Variants in PRMT9 observed in about 807,000 individuals in gnomAD.
The protein encoded by PRMT9 is protein arginine N-methyltransferase 9.
Under a neutral mutation model 83.2 loss-of-function variants are expected in PRMT9, and 59 were observed. The ratio of observed to expected loss-of-function variants is 0.71; its 90% CI spans 0.57 to 0.88. The LOEUF is 0.88. PRMT9 is among the 40% of genes least tolerant of loss of function. PRMT9 has a pLI of 0.00. For missense variants in PRMT9, 947 were observed against 1,021.9 expected, an observed-to-expected ratio of 0.93 and a Z score of 1.00; for synonymous variants, 333 against 353.2, an observed-to-expected ratio of 0.94 and a Z score of 0.64.
At chr4:147,659,145 C>A (rs1413779571) in intron 7 of PRMT9, among the ~76,000 whole-genome samples, 1 of 151,362 alleles carries the variant, frequency 6.6e-6, no homozygotes, top group East Asian at 1.9e-4. Flanking sequence ...CGCCACTGCA[C>A]TCCAGCCTGG....
At chr4:147,670,889 C>T (rs1216401136) in intron 4 of PRMT9, 146 bp from the exon 5 acceptor site, 14 of 624,074 alleles carry the variant, frequency 2.2e-5, no homozygotes, top group South Asian at 5.7e-5. Flanking sequence ...TTAAGATCTA[C>T]TACTGAATCT....
chr4:147,652,228 CA>C (rs1734157081), intron 9 of PRMT9, among the ~76,000 whole-genome samples: 1 of 151,768 alleles, frequency 6.6e-6, no homozygotes, highest in African/African-American at 2.4e-5. Flanking sequence ...CTGAACTTAC[CA>C]AATTTGAATA....
rs749796433 is a variant in PRMT9, at chr4:147,668,507, A to G, written c.953+32T>C. ...ATTACCCAATCTTGGGAGGTGCTTT[A>G]TAGCAGTGTGAAAATGGACTAATAC... On this transcript the variant is annotated intron_variant, in intron 6 of 11. Coordinates refer to ENST00000322396, the MANE Select transcript of PRMT9 (RefSeq NM_138364.4). 8 of 1,248,794 alleles carry G rather than the reference A, an allele frequency of 6.4e-6. No homozygotes were observed. The Admixed American group carries it at 1.0e-4, about 16-fold the overall frequency. 77.4% of individuals were successfully genotyped at this position (1,248,794 alleles called of 1,614,324 possible).
chr4:147,653,785 A>T, intron 9 of PRMT9, 67 bp downstream of exon 9: 1 of 1,094,300 alleles, frequency 9.1e-7, no homozygotes, highest in Non-Finnish European at 1.4e-6. Flanking sequence ...TAAAGAACTT[A>T]AGGAATTTAC....
At chr4:147,643,647 G>A (rs570119325) in intron 9 of PRMT9, among the ~76,000 whole-genome samples, 3 of 152,222 alleles carry the variant, frequency 2.0e-5, no homozygotes, top group Non-Finnish European at 4.4e-5. Flanking sequence ...GTAACTTACT[G>A]AATGGAGAAA....
intron 4 of PRMT9, 60 bp downstream of exon 4, chr4:147,672,899 T>A: frequency 7.1e-7 from 1 of 1,400,738 alleles, no homozygotes; most frequent in Non-Finnish European, 1.0e-6. Context: ...GCTAGAAATA[T>A]ATCTTAGTTT....
Position 147,673,723 on chromosome 4 carries a change from T to C in PRMT9, c.490A>G (p.Thr164Ala). 1.2e-6 allele frequency: 2 copies of C among 1,614,156 alleles called. No individual in the cohort carries two copies. The highest frequency in any genetic ancestry group is 8.5e-7 in the Non-Finnish European group (1 of 1,179,994). Residue 164 changes from threonine to alanine, a missense_variant, in exon 3 of 12, where the codon ACA (threonine) becomes GCA (alanine). By Grantham distance (58) the Thr-to-Ala change is moderately conservative. Transcript: ENST00000322396. ...TTTTGGATTGCTGCATTATAAATTGTATTCCTCTTGGTGTCATTAAGCATG... is the reference window on the plus strand; with the variant it reads ...TTTTGGATTGCTGCATTATAAATTGCATTCCTCTTGGTGTCATTAAGCATG... Reference protein sequence around the residue: ...FIMLNDTKRNTIYNAAIQKAV... With the variant: ...FIMLNDTKRNAIYNAAIQKAV...
chr4:147,656,367 A>G (rs1023786011), intron 8 of PRMT9, among the ~76,000 whole-genome samples: 4 of 151,866 alleles, frequency 2.6e-5, no homozygotes, highest in Non-Finnish European at 4.4e-5. Flanking sequence ...ATCTTGGCTC[A>G]CTGCAGGCTC....
Position 147,657,959 on chromosome 4 carries a change from G to C in PRMT9, c.1163C>G (p.Ala388Gly), listed in dbSNP as rs78250904. The C allele has an allele frequency of 7.4e-5, 119 of 1,601,814 alleles. No individual in the cohort carries two copies. In the African/African-American group the frequency reaches 1.4e-3, roughly 18 times the overall value. Reference protein sequence around the residue: ...FNNLQELKSLATKKPDKIGIP... With the variant: ...FNNLQELKSLGTKKPDKIGIP... ...ACCAATCTTATCAGGCTTTTTAGTT[G>C]CAAGACTTTTTAATTCCTGAGAAAA... The change falls in exon 8 of 12, where the codon GCA becomes GGA. Residue 388 changes from alanine to glycine, a missense_variant. By Grantham distance (60) the Ala-to-Gly change is moderately conservative (BLOSUM62 0). Transcript: ENST00000322396.
At chr4:147,659,106 A>G (rs1578904657) in intron 7 of PRMT9, among the ~76,000 whole-genome samples, 2 of 151,906 alleles carry the variant, frequency 1.3e-5, no homozygotes, top group South Asian at 2.1e-4. Flanking sequence ...GTGAACCCGG[A>G]AGGTGGAGCT....
intron 10 of PRMT9, 114 bp from the exon 11 acceptor site, chr4:147,639,196 T>C (rs749238254): frequency 1.5e-5 from 15 of 982,030 alleles, no homozygotes; most frequent in South Asian, 1.1e-4. Context: ...CTTGACTCAA[T>C]AGTACTTGAC....
chr4:147,676,075 C>T (rs1046437881), intron 2 of PRMT9, among the ~76,000 whole-genome samples: 3 of 152,154 alleles, frequency 2.0e-5, no homozygotes, highest in South Asian at 2.1e-4. Context: ...CACACTATCC[C>T]GAATTCTGAA....
At chr4:147,658,045 T>C (rs1734660626) in intron 7 of PRMT9, 70 bp from the exon 8 acceptor site, 3 of 1,088,524 alleles carry the variant, frequency 2.8e-6, no homozygotes, top group African/African-American at 1.6e-5. Context: ...TATCTTACCA[T>C]TTTCCATCTC....
In PRMT9 at chr4:147,668,594, T is replaced by C; in HGVS notation, c.898A>G (p.Ser300Gly). 6.2e-7 allele frequency: 1 copy of C among 1,612,802 alleles called. No individual in the cohort carries two copies. Among genetic ancestry groups the C allele is most frequent in the South Asian group, 1.1e-5 (1 of 91,052 alleles). The part of the protein sequence containing the change: ...CEKYGKVIPA[S>G]AVIFGMAVEC... ...ACTGCCATCCCAAATATAACAGCAC[T>C]TGCTGGTATAACTTTCCCATACTTT... The change falls in exon 6 of 12, where the codon AGT becomes GGT. Residue 300 changes from serine to glycine, a missense_variant. By Grantham distance (56) the Ser-to-Gly change is moderately conservative. Coordinates refer to ENST00000322396, the MANE Select transcript of PRMT9 (RefSeq NM_138364.4).
chr4:147,650,453 A>C (rs938533055), intron 9 of PRMT9, among the ~76,000 whole-genome samples: 1 of 152,208 alleles, frequency 6.6e-6, no homozygotes, highest in African/African-American at 2.4e-5. Context: ...AATACTTAGG[A>C]ATAAACCTAC....
At chr4:147,673,610 A>C in intron 3 of PRMT9, 28 bp downstream of exon 3, 4 of 1,291,840 alleles carry the variant, frequency 3.1e-6, no homozygotes, top group Non-Finnish European at 4.5e-6. Context: ...ATACATGTAT[A>C]TACCATTAAA....
chr4:147,638,360 C>T lies in PRMT9; in HGVS notation c.*172G>A. 1 of 616,808 alleles carries T rather than the reference C, an allele frequency of 1.6e-6. No homozygotes were observed. The highest frequency in any genetic ancestry group is 2.8e-5 in the East Asian group (1 of 36,012). 38.2% of individuals were successfully genotyped at this position (616,808 alleles called of 1,614,324 possible). On this transcript the variant is annotated 3_prime_UTR_variant, in exon 12 of 12. Transcript: ENST00000322396. ...AGAAAGCAAATCTGCAGCAGTATTT[C>T]TATAATAATGCTACCCTTTTATTTA...
intron 11 of PRMT9, 42 bp from the exon 12 acceptor site, chr4:147,638,789 A>C (rs746072069): frequency 6.8e-7 from 1 of 1,469,494 alleles, no homozygotes; most frequent in Non-Finnish European, 9.4e-7. Flanking sequence ...GAGTGCATAG[A>C]GTAGACTTAG....
intron 10 of PRMT9, among the ~76,000 whole-genome samples, chr4:147,641,739 G>A (rs569452273): frequency 3.9e-5 from 6 of 152,108 alleles, no homozygotes; most frequent in Admixed American, 6.6e-5. Flanking sequence ...TCAGCTTACC[G>A]CAACCTCCAC....
Sources: gnomAD v4.1 joint callset for allele counts (sites outside exome capture counted in the v4.1 genomes callset) on GRCh38, gnomAD v4.1.1 for gene constraint, MANE v1.5 for transcripts, NCBI Gene and HGNC (gene_info 2026-07-23, HGNC 2026-07-21) for gene names.